Variants in ZNF804A observed in about 807,000 individuals in gnomAD.
ZNF804A encodes zinc finger protein 804A.
Under a neutral mutation model 16.5 loss-of-function variants are expected in ZNF804A, and 2 were observed. The ratio of observed to expected loss-of-function variants is 0.12; its 90% CI spans 0.05 to 0.38. ZNF804A has a LOEUF of 0.38. Among genes scored for constraint, ZNF804A ranks in the 10% least tolerant of loss-of-function variants. The pLI, the probability that ZNF804A is intolerant of heterozygous loss-of-function variation, is 0.99. For missense variants in ZNF804A, 1,473 were observed against 1,390.7 expected, an observed-to-expected ratio of 1.06 and a Z score of -0.94; for synonymous variants, 534 against 489.6, an observed-to-expected ratio of 1.09 and a Z score of -1.20.
At chr2:184,672,717 T>C (rs543421826) in intron 1 of ZNF804A, among the ~76,000 whole-genome samples, 23 of 152,214 alleles carry the variant, frequency 1.5e-4, no homozygotes, top group Non-Finnish European at 2.8e-4. Flanking sequence ...TCTTGCCAGA[T>C]GGGCAACAGA....
intron 1 of ZNF804A, among the ~76,000 whole-genome samples, chr2:184,695,566 A>G (rs1692818834): frequency 6.7e-6 from 1 of 149,058 alleles, no homozygotes; most frequent in South Asian, 2.1e-4. Context: ...GTGCATCGGC[A>G]TGATCATGTT....
At chr2:184,803,516 C>G (rs775329715) in intron 1 of ZNF804A, among the ~76,000 whole-genome samples, 2 of 152,070 alleles carry the variant, frequency 1.3e-5, no homozygotes, top group Non-Finnish European at 2.9e-5. Flanking sequence ...CTGTCCAGAA[C>G]TATATGTGAA....
chr2:184,649,464 C>G (rs557298144), intron 1 of ZNF804A, among the ~76,000 whole-genome samples: 2 of 151,584 alleles, frequency 1.3e-5, no homozygotes, highest in Admixed American at 1.3e-4. Context: ...AGAATGCATA[C>G]AAAGAATTAA....
At chr2:184,674,606 G>A (rs914323247) in intron 1 of ZNF804A, among the ~76,000 whole-genome samples, 1 of 151,678 alleles carries the variant, frequency 6.6e-6, no homozygotes, top group African/African-American at 2.4e-5. Flanking sequence ...AAAATGAAGA[G>A]GATAAGGGAA....
At chr2:184,737,530 T>A (rs964604021) in intron 1 of ZNF804A, among the ~76,000 whole-genome samples, 1 of 152,172 alleles carries the variant, frequency 6.6e-6, no homozygotes, top group African/African-American at 2.4e-5. Context: ...CTTTTGAACA[T>A]GTTTATGTAA....
In ZNF804A at chr2:184,750,860, C is replaced by T. The variant is rs751531153; in HGVS notation, c.112-115509C>T. ...TCCTGCTCCCCAAGACCCTGGAAAC[C>T]ACCATTCCACACTTCAGGCTTCTAT... On this transcript the variant is annotated intron_variant, in intron 1 of 3. Coordinates refer to ENST00000302277, the MANE Select transcript of ZNF804A (RefSeq NM_194250.2). Among the ~76,000 whole-genome samples the T allele has an allele frequency of 3.1e-4, 47 of 151,334 alleles. No individual in the cohort carries two copies. The Middle Eastern group carries it at 0.014, about 44-fold the overall frequency.
intron 2 of ZNF804A, among the ~76,000 whole-genome samples, chr2:184,911,921 C>A (rs938557397): frequency 3.3e-5 from 5 of 151,606 alleles, no homozygotes; most frequent in African/African-American, 1.2e-4. Flanking sequence ...AATGCTTACA[C>A]CTTTTGTTTT....
chr2:184,790,896 C>A (rs1694530038), intron 1 of ZNF804A, among the ~76,000 whole-genome samples: 1 of 152,186 alleles, frequency 6.6e-6, no homozygotes, highest in Non-Finnish European at 1.5e-5. Flanking sequence ...AGCCACTGCG[C>A]CCCGCCTCAA....
At chr2:184,774,227 G>A (rs771748246) in intron 1 of ZNF804A, among the ~76,000 whole-genome samples, 23 of 151,886 alleles carry the variant, frequency 1.5e-4, no homozygotes, top group Admixed American at 9.2e-4. Flanking sequence ...CTGTTGAATC[G>A]TAAACAAAAT....
rs138767033 is a variant in ZNF804A at position 184,836,367 on chromosome 2, A to G, written c.112-30002A>G. 9.1e-3 allele frequency among the ~76,000 whole-genome samples: 1,383 copies of G among 152,178 alleles called. 23 individuals carry two copies. The highest frequency in any genetic ancestry group is 0.032 in the African/African-American group (1,322 of 41,532). ...ACAAACCTAGGGGAGTTGTTTGTGC[A>G]CACACCATGTTGCTGACACTGGGAA... is the stretch of plus-strand genomic sequence containing the variant. On this transcript the variant is annotated intron_variant, in intron 1 of 3. Coordinates refer to ENST00000302277, the MANE Select transcript of ZNF804A (RefSeq NM_194250.2).
intron 1 of ZNF804A, among the ~76,000 whole-genome samples, chr2:184,845,284 A>T (rs367621604): frequency 6.5e-4 from 99 of 152,220 alleles, no homozygotes; most frequent in African/African-American, 2.3e-3. Context: ...TAAAAGCTGG[A>T]AATGTATCAG....
intron 1 of ZNF804A, among the ~76,000 whole-genome samples, chr2:184,672,895 C>T (rs1181200555): frequency 2.6e-5 from 4 of 152,116 alleles, no homozygotes; most frequent in African/African-American, 4.8e-5. Flanking sequence ...GCATCCGCCA[C>T]CACGCCCAGC....
intron 1 of ZNF804A, among the ~76,000 whole-genome samples, chr2:184,685,459 C>G (rs1004435747): frequency 2.0e-5 from 3 of 151,994 alleles, no homozygotes; most frequent in African/African-American, 7.3e-5. Flanking sequence ...CTCTTTCAGT[C>G]CCCCCTTTTG....
chr2:184,754,380 A>G (rs1269462829), intron 1 of ZNF804A, among the ~76,000 whole-genome samples: 1 of 151,948 alleles, frequency 6.6e-6, no homozygotes, highest in African/African-American at 2.4e-5. Flanking sequence ...GAATATTTAT[A>G]TAATTCCTGA....
chr2:184,727,859 G>A, intron 1 of ZNF804A, among the ~76,000 whole-genome samples: 1 of 151,666 alleles, frequency 6.6e-6, no homozygotes, highest in Non-Finnish European at 1.5e-5. Flanking sequence ...CTTGTTCTCA[G>A]AATTTCATTT....
chr2:184,903,493 C>T (rs189923730), intron 2 of ZNF804A, among the ~76,000 whole-genome samples: 8 of 152,126 alleles, frequency 5.3e-5, no homozygotes, highest in African/African-American at 1.9e-4. Flanking sequence ...GTAGGTTATA[C>T]CACCTAGGTT....
At chr2:184,701,259 C>T (rs779840545) in intron 1 of ZNF804A, among the ~76,000 whole-genome samples, 17 of 151,830 alleles carry the variant, frequency 1.1e-4, no homozygotes, top group Admixed American at 5.9e-4. Flanking sequence ...AACAATGTTA[C>T]GACAGAATAC....
intron 1 of ZNF804A, among the ~76,000 whole-genome samples, chr2:184,723,149 C>T (rs757230291): frequency 2.6e-5 from 4 of 151,798 alleles, no homozygotes; most frequent in Admixed American, 6.6e-5. Flanking sequence ...TAGATACATA[C>T]ACACATTACA....
chr2:184,876,958 G>A (rs1428399259), intron 2 of ZNF804A, among the ~76,000 whole-genome samples: 2 of 151,928 alleles, frequency 1.3e-5, no homozygotes, highest in African/African-American at 4.8e-5. Flanking sequence ...ACTTAGCACT[G>A]TAATCCAATA....
Sources: allele counts gnomAD v4.1 joint callset (sites outside exome capture counted in the v4.1 genomes callset), GRCh38; gene constraint gnomAD v4.1.1; transcripts MANE v1.5; gene names NCBI Gene and HGNC (gene_info 2026-07-23, HGNC 2026-07-21).